TMEM101: variants seen among roughly 807,000 people sequenced by gnomAD.
TMEM101 encodes the protein putative NF-kappa-B-activating protein 130.
In TMEM101, 14 loss-of-function variants were observed where a neutral mutation model predicts 26.0. The observed-to-expected ratio is 0.54, with a 90% CI of 0.36 to 0.84. The LOEUF is 0.84. Ranked by LOEUF, TMEM101 falls within the 40% of genes least tolerant of loss-of-function variation. The pLI, the probability that TMEM101 is intolerant of heterozygous loss-of-function variation, is 0.01. For synonymous variants in TMEM101, 152 were observed against 145.1 expected, an observed-to-expected ratio of 1.05 and a Z score of -0.34; for missense variants, 292 against 345.1, an observed-to-expected ratio of 0.85 and a Z score of 1.22.
At chr17:44,015,983 G>A (rs1212123739), upstream of TMEM101, among the ~76,000 whole-genome samples, 2 of 151,948 alleles carry the variant, frequency 1.3e-5, no homozygotes, top group African/African-American at 4.8e-5. Flanking sequence ...ACATCCAGGT[G>A]GTCTCTGCAT....
At position 44,014,399 on chromosome 17, in the gene TMEM101, G is replaced by A; in HGVS notation, c.276C>T (p.Ala92=). The A allele has an allele frequency of 6.4e-7, 1 of 1,554,998 alleles. No individual in the cohort carries two copies. The highest frequency in any genetic ancestry group is 8.7e-7 in the Non-Finnish European group (1 of 1,148,846). Reference sequence around the variant, plus strand: ...AGTGGACGTAGCCCCCGATGTAGGCGGCGTAGGTGCTAATGGCCAATTGGA... The same window carrying A: ...AGTGGACGTAGCCCCCGATGTAGGCAGCGTAGGTGCTAATGGCCAATTGGA... ...AALQLAISTY[A]AYIGGYVHYG... Residue 92 remains alanine (A), a synonymous_variant, in exon 2 of 4, where the codon GCC becomes GCT. Coordinates refer to ENST00000206380, the MANE Select transcript of TMEM101 (RefSeq NM_032376.4).
chr17:44,014,676 T>A, intron 1 of TMEM101, 139 bp from the exon 2 acceptor site: 1 of 1,499,236 alleles, frequency 6.7e-7, no homozygotes, highest in Non-Finnish European at 9.0e-7. Context: ...CCCTACCAGA[T>A]TTGGTCCGAC....
At chr17:44,015,881 C>T (rs572277146), upstream of TMEM101, among the ~76,000 whole-genome samples, 2 of 152,226 alleles carry the variant, frequency 1.3e-5, no homozygotes, top group Admixed American at 1.3e-4. Context: ...GAGATCTGAA[C>T]ATCTGGGACA....
chr17:44,022,125 C>T (rs1005180988), intron 1 of TMEM101, among the ~76,000 whole-genome samples: 12 of 152,314 alleles, frequency 7.9e-5, no homozygotes, highest in African/African-American at 2.4e-4. Context: ...TATGACGTTT[C>T]CAGAATCCAA....
At chr17:44,016,617 G>T (rs2049234166), upstream of TMEM101, among the ~76,000 whole-genome samples, 1 of 152,170 alleles carries the variant, frequency 6.6e-6, no homozygotes, top group African/African-American at 2.4e-5. Context: ...CCCATCATAG[G>T]TTGAAAATAC....
chr17:44,017,695 G>A (rs1399028419), upstream of TMEM101, among the ~76,000 whole-genome samples: 2 of 150,598 alleles, frequency 1.3e-5, no homozygotes, highest in Non-Finnish European at 3.0e-5. Context: ...TCTGGGAGAC[G>A]GAGGTTGGAG....
intron 2 of TMEM101, among the ~76,000 whole-genome samples, chr17:44,014,043 AAACT>A (rs2049194748): frequency 6.6e-6 from 1 of 152,214 alleles, no homozygotes; most frequent in African/African-American, 2.4e-5. Context: ...TGAGATTACT[AAACT>A]AACAGTTTAA....
upstream of TMEM101, chr17:44,019,292 C>T (rs899156838): frequency 4.8e-6 from 2 of 416,580 alleles, no homozygotes. Flanking sequence ...AGCCTGGGCT[C>T]GAGAGTCGGA....
upstream of TMEM101, among the ~76,000 whole-genome samples, chr17:44,017,436 C>CAAAA (rs71160077): frequency 1.3e-5 from 2 of 150,302 alleles, no homozygotes; most frequent in Non-Finnish European, 3.0e-5. Flanking sequence ...ACTAAAAATA[C>CAAAA]AAAAAAAATT....
At chr17:44,020,641 G>GGAGGCAGGAGAATCGCTTT (rs2049276718) in intron 2 of TMEM101, among the ~76,000 whole-genome samples, 2 of 152,210 alleles carry the variant, frequency 1.3e-5, no homozygotes, top group African/African-American at 2.4e-5. Flanking sequence ...AGAGTCGCTT[G>GGAGGCAGGAGAATCGCTTT]AACCCAGGAG....
intron 2 of TMEM101, among the ~76,000 whole-genome samples, chr17:44,013,385 C>A (rs1196016669): frequency 6.6e-6 from 1 of 152,138 alleles, no homozygotes; most frequent in African/African-American, 2.4e-5. Flanking sequence ...TCTGGCCAGG[C>A]GCAGTGGCTC....
rs758765674 is a variant in TMEM101, at chr17:44,014,528, G to A, written c.147C>T (p.Asp49=). 1.4e-5 allele frequency: 22 copies of A among 1,569,252 alleles called. No homozygotes were observed. Among genetic ancestry groups the A allele is most frequent in the Middle Eastern group, 1.7e-4 (1 of 5,984 alleles). The change falls in exon 2 of 4, where the codon GAC becomes GAT. Residue 49 remains aspartate, a synonymous_variant. Coordinates refer to ENST00000206380, the MANE Select transcript of TMEM101 (RefSeq NM_032376.4). ...CGAAATACAGGTAAGGCACTGGGAT[G>A]TCGGGCTTCCTGCGAGCCGGGAGTG... ...AERAEARRKP[D]IPVPYLYFDM...
chr17:44,013,773 G>A (rs1439816965), intron 2 of TMEM101, among the ~76,000 whole-genome samples: 2 of 152,108 alleles, frequency 1.3e-5, no homozygotes, highest in Admixed American at 6.5e-5. Context: ...TCTAATCTTG[G>A]TGTTCTTTAT....
Position 44,014,516 on chromosome 17 carries a change from A to G in TMEM101, c.159T>C (p.Pro53=). The change falls in exon 2 of 4, where the codon CCT becomes CCC. Residue 53 remains proline, a synonymous_variant. Coordinates refer to ENST00000206380, the MANE Select transcript of TMEM101 (RefSeq NM_032376.4). ...CTGCCCCCATGTCGAAATACAGGTA[A>G]GGCACTGGGATGTCGGGCTTCCTGC... ...EARRKPDIPV[P]YLYFDMGAAV... 1 of 1,570,272 alleles carries G rather than the reference A, an allele frequency of 6.4e-7. No homozygotes were observed.
At chr17:44,014,623 C>CA in intron 1 of TMEM101, 86 bp from the exon 2 acceptor site, 1 of 1,527,806 alleles carries the variant, frequency 6.5e-7, no homozygotes, top group African/African-American at 1.4e-5. Flanking sequence ...CCACAGGCTC[C>CA]ACTGCTCCCC....
At chr17:44,016,752 C>T (rs773864986), upstream of TMEM101, among the ~76,000 whole-genome samples, 1 of 152,178 alleles carries the variant, frequency 6.6e-6, no homozygotes, top group Non-Finnish European at 1.5e-5. Flanking sequence ...TTGAAAACTC[C>T]AATGCTGGGA....
upstream of TMEM101, chr17:44,015,038 T>G (rs531900765): frequency 9.4e-6 from 14 of 1,489,038 alleles, no homozygotes; most frequent in South Asian, 1.4e-5. Context: ...GGTCAAGCGC[T>G]TTTTCTTTTT....
chr17:44,019,875 T>A (rs955255173), upstream of TMEM101, among the ~76,000 whole-genome samples: 3 of 152,172 alleles, frequency 2.0e-5, no homozygotes, highest in African/African-American at 7.2e-5. Flanking sequence ...TTGTGAGAAT[T>A]GTCAGGGATA....
Position 44,012,897 on chromosome 17 carries a change from A to G in TMEM101, c.465+112T>C, listed in dbSNP as rs1391360896. The stretch of plus-strand genomic sequence containing the variant: ...GCAATTCCCAGGGAACTGGGCCATC[A>G]GGAACTGCACTCAGGGCCTCGTTCT... On this transcript the variant is annotated intron_variant, in intron 3 of 3. Coordinates refer to ENST00000206380, the MANE Select transcript of TMEM101 (RefSeq NM_032376.4). The G allele has an allele frequency of 6.5e-6, 8 of 1,229,888 alleles. No homozygotes were observed. In the East Asian group the frequency reaches 1.9e-4, roughly 29 times the overall value. The allele number at this position is 1,229,888 out of a possible 1,614,324, so 76.2% of individuals were successfully genotyped here.
Sources: allele counts gnomAD v4.1 joint callset (sites outside exome capture counted in the v4.1 genomes callset), GRCh38; gene constraint gnomAD v4.1.1; transcripts MANE v1.5; gene names NCBI Gene and HGNC (gene_info 2026-07-23, HGNC 2026-07-21).